The following MAST4 variants were observed in gnomAD, a reference collection of about 807,000 sequenced individuals.
MAST4 encodes the protein microtubule-associated serine/threonine-protein kinase 4.
MAST4 carries 89 observed loss-of-function variants against 162.7 expected under a neutral mutation model. The observed-to-expected ratio is 0.55, with a 90% CI of 0.46 to 0.65. The LOEUF (loss-of-function observed/expected upper bound fraction) is 0.65, where lower values mean the gene tolerates loss of function less well. MAST4 is among the 30% of genes least tolerant of loss of function. The pLI, the probability that MAST4 is intolerant of heterozygous loss-of-function variation, is 0.00. For synonymous variants in MAST4, 1,479 were observed against 1,361.1 expected (o/e 1.09, Z -1.91); for missense variants, 3,153 against 3,374.0 (o/e 0.93, Z 1.62).
rs534006293 is a variant in MAST4, at chr5:66,875,059, G to C, written c.643-24892G>C. Among the ~76,000 whole-genome samples the C allele has an allele frequency of 2.6e-5, 4 of 152,240 alleles. No homozygotes were observed. In the South Asian group the frequency reaches 8.3e-4, roughly 32 times the overall value. On this transcript the variant is annotated intron_variant, in intron 3 of 28. Coordinates refer to ENST00000403625, the MANE Select transcript of MAST4 (RefSeq NM_001164664.2). ...TGATTTTTAAGCACTAAGGGGATAG[G>C]CTTTAAAATGTCTACATTTTTGAGC...
chr5:66,943,594 C>T (rs979126589), intron 4 of MAST4, among the ~76,000 whole-genome samples: 1 of 152,040 alleles, frequency 6.6e-6, no homozygotes, highest in Non-Finnish European at 1.5e-5. Context: ...TTTAATGGAA[C>T]AGCTTGGTGA....
chr5:67,056,557 G>A (rs752334857), intron 5 of MAST4, among the ~76,000 whole-genome samples: 3 of 152,140 alleles, frequency 2.0e-5, no homozygotes, highest in Non-Finnish European at 2.9e-5. Flanking sequence ...ACGACAGAAC[G>A]TGGTGAAGAC....
rs1387369051 is a variant in MAST4 at position 67,160,592 on chromosome 5, G to A, written c.3785G>A (p.Arg1262Lys). The A allele has an allele frequency of 1.9e-6, 3 of 1,612,880 alleles. No homozygotes were observed. Among genetic ancestry groups the A allele is most frequent in the South Asian group, 1.1e-5 (1 of 90,774 alleles). ...TCCAAGAAGAAAGAAAGTCTCGAAA[G>A]GTTAGTAAAATCAGTATTCTTTTTA... is the stretch of plus-strand genomic sequence containing the variant. ...KKSKKKESLE[R>K]RRSLFKKLAK... is the part of the protein sequence containing the mutation. The change falls in exon 27 of 29, where the codon AGG (arginine) becomes AAG (lysine). Residue 1262 changes from arginine to lysine, a missense_variant and splice_region_variant. Arg to Lys is a conservative substitution (Grantham distance 26). Transcript: ENST00000403625.
At chr5:66,677,881 G>A (rs1384961598) in intron 1 of MAST4, among the ~76,000 whole-genome samples, 1 of 152,126 alleles carries the variant, frequency 6.6e-6, no homozygotes, top group African/African-American at 2.4e-5. Flanking sequence ...CTCTCTATCA[G>A]AATTGCCCGA....
chr5:66,980,542 G>A (rs749249193), intron 4 of MAST4, among the ~76,000 whole-genome samples: 2 of 152,194 alleles, frequency 1.3e-5, no homozygotes, highest in African/African-American at 4.8e-5. Context: ...TTGTCCTCAC[G>A]TGGAATTTTA....
intron 4 of MAST4, chr5:66,902,680 G>A (rs1409173508): frequency 1.1e-5 from 5 of 470,426 alleles, no homozygotes; most frequent in Non-Finnish European, 1.8e-5. Flanking sequence ...CTGGGTAATA[G>A]ACAAGAGAAG....
intron 1 of MAST4, among the ~76,000 whole-genome samples, chr5:66,759,360 A>G (rs181264309): frequency 1.3e-5 from 2 of 152,324 alleles, no homozygotes; most frequent in East Asian, 1.9e-4. Flanking sequence ...AAAACATTTC[A>G]TGAAACAATC....
At chr5:66,631,781 A>G (rs1336510289) in intron 1 of MAST4, among the ~76,000 whole-genome samples, 4 of 152,192 alleles carry the variant, frequency 2.6e-5, no homozygotes. Context: ...ATGAGATTTT[A>G]TTGTACTCAT....
intron 4 of MAST4, among the ~76,000 whole-genome samples, chr5:66,999,584 C>T (rs563773746): frequency 5.3e-5 from 8 of 152,312 alleles, no homozygotes; most frequent in African/African-American, 1.9e-4. Context: ...TTTAGCATGT[C>T]CTTTACTTGC....
intron 4 of MAST4, among the ~76,000 whole-genome samples, chr5:66,994,925 CAG>C (rs1255485793): frequency 1.3e-5 from 2 of 152,114 alleles, no homozygotes; most frequent in African/African-American, 4.8e-5. Flanking sequence ...TACAACATGA[CAG>C]AGGGAAGCAG....
intron 3 of MAST4, among the ~76,000 whole-genome samples, chr5:66,845,166 C>T (rs1230760615): frequency 3.0e-4 from 38 of 126,330 alleles, no homozygotes; most frequent in African/African-American, 1.0e-3. Context: ...ATGTGCACAA[C>T]GTGCAGGTTT....
intron 3 of MAST4, among the ~76,000 whole-genome samples, chr5:66,852,017 T>C (rs956061370): frequency 6.6e-6 from 1 of 152,208 alleles, no homozygotes; most frequent in Non-Finnish European, 1.5e-5. Flanking sequence ...CTGGGTTCAA[T>C]GTGGTGGACT....
chr5:66,863,524 C>T (rs1395819259), intron 3 of MAST4, among the ~76,000 whole-genome samples: 4 of 152,140 alleles, frequency 2.6e-5, no homozygotes, highest in Non-Finnish European at 4.4e-5. Flanking sequence ...CCCTCTCTCT[C>T]CTCCCACCCC....
chr5:66,998,045 A>G (rs1750869351), intron 4 of MAST4, among the ~76,000 whole-genome samples: 1 of 152,240 alleles, frequency 6.6e-6, no homozygotes, highest in Non-Finnish European at 1.5e-5. Flanking sequence ...TTAATGGCAT[A>G]ATTTTCCATA....
chr5:66,947,532 A>T (rs1400436831), intron 4 of MAST4, among the ~76,000 whole-genome samples: 4 of 152,044 alleles, frequency 2.6e-5, no homozygotes, highest in Non-Finnish European at 4.4e-5. Context: ...TGCCATCTAG[A>T]TATTGGAAGC....
intron 3 of MAST4, among the ~76,000 whole-genome samples, chr5:66,791,848 A>C (rs1454353637): frequency 6.6e-6 from 1 of 152,150 alleles, no homozygotes; most frequent in Non-Finnish European, 1.5e-5. Flanking sequence ...CTTCTGTTGT[A>C]TTAAGAGCAG....
At chr5:66,927,283 T>G (rs1045589965) in intron 4 of MAST4, among the ~76,000 whole-genome samples, 3 of 152,198 alleles carry the variant, frequency 2.0e-5, no homozygotes, top group Non-Finnish European at 4.4e-5. Flanking sequence ...TCCTCAGAAG[T>G]GAGCAGTTGT....
intron 3 of MAST4, among the ~76,000 whole-genome samples, chr5:66,863,253 A>G (rs1760244234): frequency 6.6e-6 from 1 of 152,248 alleles, no homozygotes; most frequent in African/African-American, 2.4e-5. Context: ...ACTACTGTAC[A>G]GCTTCCCCGC....
At chr5:67,027,375 CTGT>C (rs1301909427) in intron 4 of MAST4, among the ~76,000 whole-genome samples, 1 of 152,170 alleles carries the variant, frequency 6.6e-6, no homozygotes, top group Admixed American at 6.6e-5. Context: ...TACCATATCT[CTGT>C]ATGCACTCAC....
Sources: gnomAD v4.1 joint callset for allele counts (sites outside exome capture counted in the v4.1 genomes callset) on GRCh38, gnomAD v4.1.1 for gene constraint, MANE v1.5 for transcripts, NCBI Gene and HGNC (gene_info 2026-07-23, HGNC 2026-07-21) for gene names.